The following ZNG1E variants were observed in gnomAD, a reference collection of about 807,000 sequenced individuals.
The protein encoded by ZNG1E is Zn regulated GTPase metalloprotein activator 1E.
At chr9:65,687,915 C>A in the ZNG1E span, among the ~76,000 whole-genome samples, 1 of 150,352 alleles carries the variant, frequency 6.7e-6, no homozygotes, top group African/African-American at 2.4e-5. Context: ...TATAATATGC[C>A]CTTAGTTCTT....
chr9:65,658,247 A>G, the ZNG1E span, among the ~76,000 whole-genome samples: 2 of 152,128 alleles, frequency 1.3e-5, no homozygotes, highest in Admixed American at 6.6e-5. Context: ...GCACCCACGA[A>G]CCAGTCTTAT....
chr9:65,722,697 A>ATTTTTTTTTTT, the ZNG1E span, among the ~76,000 whole-genome samples: 166 of 8,408 alleles, frequency 0.02, 45 homozygotes, highest in Non-Finnish European at 0.024. Context: ...TGCCTAGCTA[A>ATTTTTTTTTTT]TTTTTTTTTT....
At chr9:65,728,158 G>A in the ZNG1E span, among the ~76,000 whole-genome samples, 15 of 151,950 alleles carry the variant, frequency 9.9e-5, no homozygotes, top group Admixed American at 3.3e-4. Flanking sequence ...TTGGGTCAAA[G>A]ATGAAATCAA....
the ZNG1E span, among the ~76,000 whole-genome samples, chr9:65,673,988 C>A: frequency 6.6e-6 from 1 of 152,272 alleles, no homozygotes; most frequent in East Asian, 1.9e-4. Flanking sequence ...TGCAATGTTA[C>A]TCCTTCCCTT....
At chr9:65,671,584 T>C in the ZNG1E span, among the ~76,000 whole-genome samples, 36 of 151,830 alleles carry the variant, frequency 2.4e-4, no homozygotes, top group African/African-American at 7.3e-4. Flanking sequence ...CTTTCCAAAG[T>C]GCTGGGATTA....
the ZNG1E span, among the ~76,000 whole-genome samples, chr9:65,727,324 GA>G: frequency 6.7e-6 from 1 of 148,730 alleles, no homozygotes; most frequent in Non-Finnish European, 1.5e-5. Flanking sequence ...AGTACAATTA[GA>G]AAAACAACAA....
chr9:65,723,070 GA>G, the ZNG1E span: 56 of 400,124 alleles, frequency 1.4e-4, no homozygotes, highest in South Asian at 4.4e-4. Context: ...TTGACGGTAG[GA>G]TTTTTTTTGA....
the ZNG1E span, among the ~76,000 whole-genome samples, chr9:65,664,866 G>C: frequency 1.3e-5 from 2 of 152,172 alleles, no homozygotes; most frequent in Admixed American, 6.5e-5. Context: ...GAGCAATGGT[G>C]ACTCTTCTTA....
At chr9:65,680,117 TTCTGTTA>T in the ZNG1E span, among the ~76,000 whole-genome samples, 1 of 151,482 alleles carries the variant, frequency 6.6e-6, no homozygotes, top group Non-Finnish European at 1.5e-5. Context: ...GACACAATAC[TTCTGTTA>T]TCTTTATAGG....
At chr9:65,683,931 T>C in the ZNG1E span, among the ~76,000 whole-genome samples, 1 of 152,294 alleles carries the variant, frequency 6.6e-6, no homozygotes. Flanking sequence ...TGTATGCTTT[T>C]ATTAGAAATA....
the ZNG1E span, among the ~76,000 whole-genome samples, chr9:65,686,785 C>T: frequency 6.6e-6 from 1 of 152,202 alleles, no homozygotes; most frequent in Non-Finnish European, 1.5e-5. Context: ...ATGGAGATGG[C>T]TTCTTTCTTT....
At chr9:65,717,957 G>C in the ZNG1E span, among the ~76,000 whole-genome samples, 13 of 145,942 alleles carry the variant, frequency 8.9e-5, no homozygotes, top group African/African-American at 3.5e-4. Context: ...AAAGTAATGG[G>C]ATTATAGGCA....
chr9:65,664,130 A>T, the ZNG1E span, among the ~76,000 whole-genome samples: 6 of 152,108 alleles, frequency 3.9e-5, no homozygotes, highest in African/African-American at 1.4e-4. Context: ...TCTACAAATC[A>T]GTACATATAA....
chr9:65,661,858 T>C, the ZNG1E span, among the ~76,000 whole-genome samples: 3,060 of 151,282 alleles, frequency 0.02, 1 homozygote, highest in African/African-American at 0.07. Context: ...ATAAATGTTA[T>C]TAAAACTCAT....
At chr9:65,699,095 T>A in the ZNG1E span, among the ~76,000 whole-genome samples, 1 of 149,252 alleles carries the variant, frequency 6.7e-6, no homozygotes, top group African/African-American at 2.5e-5. Flanking sequence ...TTTATTTTAT[T>A]TTTTTTTAGT....
chr9:65,667,530 A>G, the ZNG1E span, among the ~76,000 whole-genome samples: 2 of 152,286 alleles, frequency 1.3e-5, no homozygotes, highest in African/African-American at 4.8e-5. Flanking sequence ...GTTTATTATT[A>G]AACATACAAG....
chr9:65,658,120 A>G, the ZNG1E span, among the ~76,000 whole-genome samples: 33 of 119,280 alleles, frequency 2.8e-4, 1 homozygote, highest in African/African-American at 1.0e-3. Context: ...AAAAAAACTT[A>G]TGTTCCCCAT....
At chr9:65,680,616 A>T in the ZNG1E span, among the ~76,000 whole-genome samples, 3 of 152,256 alleles carry the variant, frequency 2.0e-5, no homozygotes, top group African/African-American at 7.2e-5. Context: ...ACTCGATTTT[A>T]TGGGAGCTCA....
At chr9:65,677,875 C>G in the ZNG1E span, among the ~76,000 whole-genome samples, 1 of 151,454 alleles carries the variant, frequency 6.6e-6, no homozygotes, top group African/African-American at 2.4e-5. Context: ...CTAGATGTCC[C>G]TCTTAGGTTC....
Sources: gnomAD v4.1 joint callset for allele counts (sites outside exome capture counted in the v4.1 genomes callset) on GRCh38, gnomAD v4.1.1 for gene constraint, MANE v1.5 for transcripts, NCBI Gene and HGNC (gene_info 2026-07-23, HGNC 2026-07-21) for gene names.